Variants in DOCK9 observed in about 807,000 individuals in gnomAD.
The protein encoded by DOCK9 is dedicator of cytokinesis protein 9.
DOCK9 carries 89 observed loss-of-function variants against 263.3 expected under a neutral mutation model. The observed-to-expected ratio is 0.34, with a 90% CI of 0.28 to 0.40. The LOEUF is 0.40. DOCK9 is among the 10% of genes least tolerant of loss of function. The pLI is 1.00. For missense variants in DOCK9, 2,140 were observed against 2,603.4 expected (o/e 0.82, Z 3.87); for synonymous variants, 976 against 973.1 (o/e 1.00, Z -0.06).
At chr13:98,824,315 C>G in intron 45 of DOCK9, 83 bp downstream of exon 45, 1 of 1,227,022 alleles carries the variant, frequency 8.1e-7, no homozygotes, top group South Asian at 1.2e-5. Context: ...AGGAAAAAGC[C>G]CTGGTCTGAT....
intron 1 of DOCK9, among the ~76,000 whole-genome samples, chr13:99,081,548 C>T (rs948947747): frequency 6.6e-6 from 1 of 152,194 alleles, no homozygotes; most frequent in South Asian, 2.1e-4. Context: ...TATATTAATA[C>T]CCAAGTGCAG....
intron 1 of DOCK9, among the ~76,000 whole-genome samples, chr13:98,995,577 CCCCCGAGTTCACA>C (rs1267364086): frequency 6.6e-6 from 1 of 151,344 alleles, no homozygotes; most frequent in Non-Finnish European, 1.5e-5. Flanking sequence ...CAAGCTCCGC[CCCCCGAGTTCACA>C]CCATTCTCCT....
chr13:98,850,097 A>G lies in DOCK9; in HGVS notation c.3963T>C (p.Tyr1321=). The G allele has an allele frequency of 6.5e-7, 1 of 1,540,902 alleles. No individual in the cohort carries two copies. The highest frequency in any genetic ancestry group is 8.7e-7 in the Non-Finnish European group (1 of 1,146,666). The part of the protein sequence containing the change: ...KSMSDDALFT[Y]WNKASTSELM... ...GTTCAGATGTTGAAGCCTTGTTCCA[A>G]TATGTAAACAAAGCATCTAGAAAAT... Residue 1321 remains tyrosine, a synonymous_variant, in exon 36 of 53, where the codon TAT becomes TAC. Coordinates refer to ENST00000682017, the MANE Select transcript of DOCK9 (RefSeq NM_001366683.2).
intron 1 of DOCK9, among the ~76,000 whole-genome samples, chr13:98,993,949 A>G (rs1880407934): frequency 6.6e-6 from 1 of 152,198 alleles, no homozygotes; most frequent in Admixed American, 6.5e-5. Context: ...TCAACAATAA[A>G]CCTTAGTATC....
At position 98,800,085 on chromosome 13, in the gene DOCK9, T is replaced by C. The variant is rs552751319; in HGVS notation, c.5916+203A>G. ...ATCTGGCTCTTGTCCCCACAGTCAGTCCTCATGGGGCGGGGGGCAGGGATC... is the reference window on the plus strand; with the variant it reads ...ATCTGGCTCTTGTCCCCACAGTCAGCCCTCATGGGGCGGGGGGCAGGGATC... On this transcript the variant is annotated intron_variant, in intron 50 of 52. Coordinates refer to ENST00000682017, the MANE Select transcript of DOCK9 (RefSeq NM_001366683.2). Among the ~76,000 whole-genome samples the C allele has an allele frequency of 3.3e-5, 5 of 152,140 alleles. No individual in the cohort carries two copies. The East Asian group carries it at 9.7e-4, about 29-fold the overall frequency.
intron 1 of DOCK9, among the ~76,000 whole-genome samples, chr13:99,029,003 G>C (rs945021170): frequency 1.3e-5 from 2 of 152,164 alleles, no homozygotes; most frequent in African/African-American, 4.8e-5. Context: ...TGTTTTACCA[G>C]TTGGCTCTCT....
chr13:99,049,113 C>T (rs1424381456), intron 1 of DOCK9, among the ~76,000 whole-genome samples: 13 of 152,224 alleles, frequency 8.5e-5, no homozygotes, highest in Admixed American at 5.2e-4. Flanking sequence ...CCAACAGAAT[C>T]ATCAATGACT....
intron 1 of DOCK9, among the ~76,000 whole-genome samples, chr13:98,997,600 G>GTC (rs1361725090): frequency 6.6e-6 from 1 of 152,166 alleles, no homozygotes; most frequent in Admixed American, 6.5e-5. Context: ...TCCTTTGTTG[G>GTC]TCTCTCAACA....
At chr13:98,855,730 A>G (rs1403256942) in intron 34 of DOCK9, among the ~76,000 whole-genome samples, 168 bp downstream of exon 34, 1 of 152,172 alleles carries the variant, frequency 6.6e-6, no homozygotes, top group Non-Finnish European at 1.5e-5. Context: ...GAGCACTTCA[A>G]GGAATGGGCC....
At chr13:99,038,288 C>CTTTTTTTTT (rs71419743) in intron 1 of DOCK9, among the ~76,000 whole-genome samples, 9 of 86,262 alleles carry the variant, frequency 1.0e-4, no homozygotes, top group East Asian at 7.5e-4. Flanking sequence ...TTATGCCCCC[C>CTTTTTTTTT]TTTTTTTTTT....
rs561048382 is a variant in DOCK9, at chr13:98,914,066, T to G, written c.960+262A>C. 6.9e-4 allele frequency among the ~76,000 whole-genome samples: 105 copies of G among 152,270 alleles called. 1 individual carries two copies. In the South Asian group the frequency reaches 0.021, roughly 30 times the overall value. On this transcript the variant is annotated intron_variant, in intron 9 of 52. Transcript: ENST00000682017. ...ATTTCAGTTATTTCTTCAGTACCTG[T>G]GATGCAGTGTTAAGCATTATCAGGG...
intron 4 of DOCK9, among the ~76,000 whole-genome samples, chr13:98,925,514 A>T (rs1198763506): frequency 6.6e-6 from 1 of 152,244 alleles, no homozygotes; most frequent in Non-Finnish European, 1.5e-5. Flanking sequence ...AATGCACTGC[A>T]GCATATTTCA....
At chr13:99,050,676 G>A (rs1595987267) in intron 1 of DOCK9, among the ~76,000 whole-genome samples, 1 of 152,148 alleles carries the variant, frequency 6.6e-6, no homozygotes, top group African/African-American at 2.4e-5. Flanking sequence ...GGCGACATGC[G>A]AGACTCCGTC....
At chr13:99,066,336 G>A (rs1291307161) in intron 1 of DOCK9, among the ~76,000 whole-genome samples, 1 of 145,434 alleles carries the variant, frequency 6.9e-6, no homozygotes, top group East Asian at 2.0e-4. Flanking sequence ...TGTGTTCTAT[G>A]GAGCTTAAAA....
At chr13:98,892,612 G>A (rs1327288004) in intron 15 of DOCK9, among the ~76,000 whole-genome samples, 1 of 152,150 alleles carries the variant, frequency 6.6e-6, no homozygotes, top group East Asian at 1.9e-4. Context: ...AAGTGCTTAG[G>A]ATATGCTGCA....
chr13:98,872,617 G>A (rs1594849679), intron 27 of DOCK9, among the ~76,000 whole-genome samples: 1 of 152,218 alleles, frequency 6.6e-6, no homozygotes, highest in South Asian at 2.1e-4. Context: ...ATGTTGCTCA[G>A]GCTGGTCTGG....
chr13:98,967,863 T>C (rs2059359961), intron 1 of DOCK9, among the ~76,000 whole-genome samples: 1 of 152,250 alleles, frequency 6.6e-6, no homozygotes, highest in African/African-American at 2.4e-5. Context: ...TTCACACATA[T>C]TAATGCCATT....
At chr13:98,833,828 C>T (rs537355967) in intron 39 of DOCK9, among the ~76,000 whole-genome samples, 128 of 152,314 alleles carry the variant, frequency 8.4e-4, no homozygotes, top group African/African-American at 2.8e-3. Flanking sequence ...CTTCTCATCA[C>T]ATAGAAGGTA....
At chr13:98,890,693 G>A (rs1332736198) in intron 15 of DOCK9, among the ~76,000 whole-genome samples, 1 of 152,120 alleles carries the variant, frequency 6.6e-6, no homozygotes, top group Non-Finnish European at 1.5e-5. Context: ...CTTTGGACAT[G>A]ACTGCTGACT....
Sources: allele counts gnomAD v4.1 joint callset (sites outside exome capture counted in the v4.1 genomes callset), GRCh38; gene constraint gnomAD v4.1.1; transcripts MANE v1.5; gene names NCBI Gene and HGNC (gene_info 2026-07-23, HGNC 2026-07-21).